MLLT10: variants seen among roughly 807,000 people sequenced by gnomAD.
The protein encoded by MLLT10 is MLLT10 histone lysine methyltransferase DOT1L cofactor.
A neutral mutation model predicts 129.1 loss-of-function variants in MLLT10; 30 were observed. The observed-to-expected ratio is 0.23, with a 90% CI of 0.17 to 0.32. The LOEUF (loss-of-function observed/expected upper bound fraction) is 0.32, where lower values mean the gene tolerates loss of function less well. Among genes scored for constraint, MLLT10 ranks in the 10% least tolerant of loss-of-function variants. The pLI is 1.00. For missense variants in MLLT10, 1,119 were observed against 1,268.3 expected (o/e 0.88, Z 1.79); for synonymous variants, 490 against 446.4 (o/e 1.10, Z -1.23).
At chr10:21,545,280 T>C (rs1489642876) in intron 3 of MLLT10, among the ~76,000 whole-genome samples, 1 of 151,636 alleles carries the variant, frequency 6.6e-6, no homozygotes, top group Non-Finnish European at 1.5e-5. Flanking sequence ...ATGTTCACAT[T>C]TGGGAGAGTA....
At chr10:21,594,098 G>A (rs1238777556) in intron 4 of MLLT10, among the ~76,000 whole-genome samples, 2 of 152,000 alleles carry the variant, frequency 1.3e-5, no homozygotes, top group Non-Finnish European at 2.9e-5. Context: ...CAGAGGCCTG[G>A]TGTAGTCTCT....
chr10:21,717,598 TTTCTTCCTC>T (rs1302925625), intron 14 of MLLT10, among the ~76,000 whole-genome samples: 20 of 119,346 alleles, frequency 1.7e-4, no homozygotes, highest in Admixed American at 1.6e-3. Flanking sequence ...CTTCCTCTTC[TTTCTTCCTC>T]TTCTTCCTCC....
rs1452313771 is a variant in MLLT10, at chr10:21,681,414, G to A, written c.1666+38G>A. 6 of 1,395,246 alleles carry A rather than the reference G, an allele frequency of 4.3e-6. No individual in the cohort carries two copies. In the African/African-American group the frequency reaches 8.5e-5, roughly 20 times the overall value. The allele number at this position is 1,395,246 out of a possible 1,614,324, so 86.4% of individuals were successfully genotyped here. ...ACTGGGTTGATAACCCGGGCCTTTT[G>A]TCTCCTCTAGTGCTCTTTCTAGTAT... On this transcript the variant is annotated intron_variant, in intron 12 of 22. Coordinates refer to ENST00000307729, the MANE Select transcript of MLLT10 (RefSeq NM_001195626.3).
At chr10:21,727,377 G>T (rs1401452991) in intron 15 of MLLT10, among the ~76,000 whole-genome samples, 2 of 151,858 alleles carry the variant, frequency 1.3e-5, no homozygotes, top group African/African-American at 4.8e-5. Context: ...TTGGTGTAAG[G>T]CTCTAGTGTC....
chr10:21,669,693 A>G (rs575553698), intron 9 of MLLT10, among the ~76,000 whole-genome samples: 3 of 152,272 alleles, frequency 2.0e-5, no homozygotes, highest in Admixed American at 2.0e-4. Context: ...CTGGTATAAT[A>G]CACTTTCATG....
At chr10:21,669,964 A>G (rs186469528) in intron 9 of MLLT10, among the ~76,000 whole-genome samples, 6 of 152,158 alleles carry the variant, frequency 3.9e-5, no homozygotes, top group Admixed American at 6.5e-5. Context: ...TTCCTTCAAA[A>G]GTTTTGCTCT....
chr10:21,691,021 A>C (rs1300079002), intron 13 of MLLT10, among the ~76,000 whole-genome samples: 1 of 152,214 alleles, frequency 6.6e-6, no homozygotes, highest in East Asian at 1.9e-4. Flanking sequence ...CAAGAATGCC[A>C]AATGTTGCTT....
At chr10:21,621,384 A>G (rs1278402091) in intron 8 of MLLT10, among the ~76,000 whole-genome samples, 1 of 144,412 alleles carries the variant, frequency 6.9e-6, no homozygotes, top group Non-Finnish European at 1.5e-5. Flanking sequence ...AGCTAGGATT[A>G]TAGGCGCCCG....
intron 3 of MLLT10, among the ~76,000 whole-genome samples, chr10:21,577,172 G>A (rs1000459981): frequency 6.6e-6 from 1 of 152,162 alleles, no homozygotes; most frequent in African/African-American, 2.4e-5. Flanking sequence ...TAATGTACAA[G>A]CATTTGTTTT....
chr10:21,725,931 T>C (rs1268265552), intron 14 of MLLT10, among the ~76,000 whole-genome samples: 2 of 151,736 alleles, frequency 1.3e-5, no homozygotes, highest in Non-Finnish European at 2.9e-5. Context: ...TTTGTATTTT[T>C]AGTAGAGACG....
intron 5 of MLLT10, among the ~76,000 whole-genome samples, chr10:21,599,862 GGGCCCAGCCCCATCTTGT>G (rs1406928028): frequency 6.6e-6 from 1 of 152,106 alleles, no homozygotes; most frequent in Non-Finnish European, 1.5e-5. Context: ...GCCACTATAT[GGGCCCAGCCCCATCTTGT>G]GGCTTTAAGA....
At chr10:21,712,203 C>CATTTATTTATTTATTT (rs60779896) in intron 13 of MLLT10, among the ~76,000 whole-genome samples, 9,247 of 150,172 alleles carry the variant, frequency 0.062, 320 homozygotes, top group East Asian at 0.092. Flanking sequence ...TCAATAACTT[C>CATTTATTTATTTATTT]ATTTATTTAT....
intron 13 of MLLT10, among the ~76,000 whole-genome samples, chr10:21,705,948 G>A (rs1398610572): frequency 1.3e-5 from 2 of 152,234 alleles, no homozygotes; most frequent in Admixed American, 1.3e-4. Context: ...GTCCATGTGG[G>A]AATGTTGACA....
intron 11 of MLLT10, among the ~76,000 whole-genome samples, chr10:21,679,033 C>T (rs1477182427): frequency 6.6e-6 from 1 of 152,118 alleles, no homozygotes; most frequent in African/African-American, 2.4e-5. Context: ...TAGCAGAGTA[C>T]ATTTTTTCTG....
At chr10:21,615,810 G>A (rs891251779) in intron 7 of MLLT10, among the ~76,000 whole-genome samples, 4 of 152,162 alleles carry the variant, frequency 2.6e-5, no homozygotes, top group Non-Finnish European at 5.9e-5. Flanking sequence ...GGATCATGGT[G>A]ATTGAGTTAG....
At chr10:21,712,536 C>T (rs1411931636) in intron 13 of MLLT10, among the ~76,000 whole-genome samples, 2 of 152,142 alleles carry the variant, frequency 1.3e-5, no homozygotes, top group Non-Finnish European at 2.9e-5. Flanking sequence ...CTTTTTTCTG[C>T]AGCCCACTTA....
chr10:21,736,570 T>C lies in MLLT10; in HGVS notation c.2955+1335T>C, dbSNP rs2058382471. On this transcript the variant is annotated intron_variant, in intron 21 of 22. Coordinates refer to ENST00000307729, the MANE Select transcript of MLLT10 (RefSeq NM_001195626.3). ...TGCTGGAATTACAGGTGTGAGCCAC[T>C]GTGCCCAGCCAAGATGTTTTGAAGA... is the stretch of plus-strand genomic sequence containing the variant. Among the ~76,000 whole-genome samples the C allele has an allele frequency of 2.0e-5, 3 of 152,220 alleles. No homozygotes were observed. In the South Asian group the frequency reaches 6.2e-4, roughly 32 times the overall value.
At chr10:21,664,290 GTTTT>G (rs527432567) in intron 9 of MLLT10, among the ~76,000 whole-genome samples, 1 of 140,224 alleles carries the variant, frequency 7.1e-6, no homozygotes, top group Non-Finnish European at 1.6e-5. Flanking sequence ...CTATGTATGT[GTTTT>G]TTTTTTGTTT....
chr10:21,636,143 T>TG (rs2047440254), intron 8 of MLLT10, among the ~76,000 whole-genome samples: 1 of 151,918 alleles, frequency 6.6e-6, no homozygotes, highest in East Asian at 1.9e-4. Context: ...GTTTTTGAGA[T>TG]AGAGTCTCAC....
Sources: gnomAD v4.1 joint callset for allele counts (sites outside exome capture counted in the v4.1 genomes callset) on GRCh38, gnomAD v4.1.1 for gene constraint, MANE v1.5 for transcripts, NCBI Gene and HGNC (gene_info 2026-07-23, HGNC 2026-07-21) for gene names.